PECAM1: variants seen among roughly 807,000 people sequenced by gnomAD.
PECAM1 encodes the protein platelet endothelial cell adhesion molecule.
Under a neutral mutation model 13.8 loss-of-function variants are expected in PECAM1, and 8 were observed. The observed-to-expected ratio is 0.58, with a 90% confidence interval of 0.34 to 1.05. The LOEUF is 1.05. PECAM1 is among the 50% of genes least tolerant of loss of function. The probability of loss-of-function intolerance (pLI) is 0.03; values close to 1 mark genes in which losing one functional copy is unlikely to be tolerated. For synonymous variants in PECAM1, 136 were observed against 52.6 expected, an observed-to-expected ratio of 2.58 and a Z score of -6.86; for missense variants, 304 against 141.2, an observed-to-expected ratio of 2.15 and a Z score of -5.84.
chr17:64,365,015 A>G (rs1302203320), intron 5 of PECAM1, among the ~76,000 whole-genome samples: 6 of 151,970 alleles, frequency 3.9e-5, no homozygotes, highest in African/African-American at 1.5e-4. Context: ...TCAATTAGGA[A>G]AAGAGGAAGT....
Position 64,321,812 on chromosome 17 carries a change from C to T in PECAM1, c.*2004G>A, listed in dbSNP as rs1555644459. Reference sequence around the variant, plus strand: ...CAGTCGTGCTGCATAAGTAAGGCACCAGGAGTAGGAATAGGGTCTTTGCAG... The same window carrying T: ...CAGTCGTGCTGCATAAGTAAGGCACTAGGAGTAGGAATAGGGTCTTTGCAG... On this transcript the variant is annotated 3_prime_UTR_variant, in exon 16 of 16. Coordinates refer to ENST00000563924, the MANE Select transcript of PECAM1 (RefSeq NM_000442.5). The T allele has an allele frequency of 3.7e-6, 5 of 1,338,966 alleles. No individual in the cohort carries two copies. In the African/African-American group the frequency reaches 4.5e-5, roughly 12 times the overall value. 82.9% of individuals were successfully genotyped at this position (1,338,966 alleles called of 1,614,324 possible). A position where few individuals can be genotyped will look rare whatever the true frequency, so the allele number is the denominator to read the frequency against.
intron 13 of PECAM1, 108 bp downstream of exon 13, chr17:64,348,152 G>T: frequency 2.3e-6 from 1 of 429,512 alleles, no homozygotes; most frequent in South Asian, 9.8e-5. Context: ...CCTTTGGAGC[G>T]ACTGAGGGTG....
At chr17:64,352,331 C>G (rs9901785) in intron 11 of PECAM1, 59 bp downstream of exon 11, 1 of 464,830 alleles carries the variant, frequency 2.2e-6, no homozygotes, top group Non-Finnish European at 3.9e-6. Flanking sequence ...TCTGAGAGGG[C>G]TAAGGAAGTA....
chr17:64,367,550 C>CAAA (rs1178085807), intron 5 of PECAM1, among the ~76,000 whole-genome samples: 1 of 97,760 alleles, frequency 1.0e-5, no homozygotes, highest in Non-Finnish European at 1.9e-5. Context: ...AACTCCATCT[C>CAAA]AAAAAAAAAA....
intron 14 of PECAM1, among the ~76,000 whole-genome samples, chr17:64,332,891 G>A (rs891001861): frequency 2.2e-4 from 34 of 152,340 alleles, no homozygotes; most frequent in African/African-American, 7.5e-4. Flanking sequence ...AGTGGCTCAC[G>A]CCTGTCATCC....
chr17:64,377,291 T>G (rs2036381421), intron 3 of PECAM1, among the ~76,000 whole-genome samples: 1 of 152,080 alleles, frequency 6.6e-6, no homozygotes, highest in African/African-American at 2.4e-5. Context: ...ACCCATTTTG[T>G]TTTGGAAAGA....
At chr17:64,375,932 G>A (rs1241904011) in intron 3 of PECAM1, among the ~76,000 whole-genome samples, 2 of 152,164 alleles carry the variant, frequency 1.3e-5, no homozygotes. Flanking sequence ...GGACTCAGGG[G>A]AAAGAGTGGG....
intron 2 of PECAM1, among the ~76,000 whole-genome samples, chr17:64,382,722 T>C (rs2036507573): frequency 8.5e-6 from 1 of 117,616 alleles, no homozygotes; most frequent in African/African-American, 5.5e-5. Flanking sequence ...TTTCTAGGGA[T>C]TTTTTTTTTT....
At chr17:64,323,899 T>A (rs1555645078) in intron 15 of PECAM1, 54 bp from the exon 16 acceptor site, 1 of 790,486 alleles carries the variant, frequency 1.3e-6, no homozygotes, top group Admixed American at 1.7e-5. Flanking sequence ...AGATTGAAGA[T>A]TGCCCTGGTG....
intron 5 of PECAM1, among the ~76,000 whole-genome samples, chr17:64,367,714 A>C (rs1375888757): frequency 6.6e-6 from 1 of 152,178 alleles, no homozygotes; most frequent in Non-Finnish European, 1.5e-5. Flanking sequence ...AGTTATGTCT[A>C]TGAATTCTTC....
chr17:64,323,537 C>T lies in PECAM1; in HGVS notation c.*279G>A, dbSNP rs2034858479. 3.6e-6 allele frequency: 5 copies of T among 1,392,782 alleles called. No individual in the cohort carries two copies. In the East Asian group the frequency reaches 1.1e-4, roughly 31 times the overall value. The allele number at this position is 1,392,782 out of a possible 1,614,324, so 86.3% of individuals were successfully genotyped here. ...TTTCAGAATATCCCAATGGCCTTGC[C>T]CTGGATCTCCTCTTGTGCTCTTCCA... is the stretch of plus-strand genomic sequence containing the variant. On this transcript the variant is annotated 3_prime_UTR_variant, in exon 16 of 16. Coordinates refer to ENST00000563924, the MANE Select transcript of PECAM1 (RefSeq NM_000442.5).
chr17:64,326,843 C>T (rs1285178180), intron 15 of PECAM1, among the ~76,000 whole-genome samples: 1 of 152,222 alleles, frequency 6.6e-6, no homozygotes, highest in East Asian at 1.9e-4. Context: ...TGCCTTGTAC[C>T]CGGAATATGG....
Position 64,375,150 on chromosome 17 carries a change from G to C in PECAM1, c.592C>G (p.Gln198Glu), listed in dbSNP as rs2036328288. The C allele has an allele frequency of 2.1e-6, 1 of 475,408 alleles. No homozygotes were observed. The highest frequency in any genetic ancestry group is 3.9e-6 in the Non-Finnish European group (1 of 259,054). The allele number at this position is 475,408 out of a possible 1,614,324, so 29.4% of individuals were successfully genotyped here. Residue 198 changes from glutamine to glutamate, a missense_variant, in exon 4 of 16, where the codon CAG becomes GAG. By Grantham distance (29) the Gln-to-Glu change is conservative. Transcript: ENST00000563924. Reference protein sequence around the residue: ...FVILEFPVEEQDRVLSFRCQA... With the variant: ...FVILEFPVEEEDRVLSFRCQA... The stretch of plus-strand genomic sequence containing the variant: ...CATCGGAAGGATAAAACGCGGTCCT[G>C]TTCCTCAACGGGGAATTCCAGTATC...
At chr17:64,349,307 G>T (rs1052398909) in intron 12 of PECAM1, among the ~76,000 whole-genome samples, 1 of 152,172 alleles carries the variant, frequency 6.6e-6, no homozygotes, top group Non-Finnish European at 1.5e-5. Context: ...TACATTTCAG[G>T]CTGGGTGTGG....
intron 11 of PECAM1, among the ~76,000 whole-genome samples, chr17:64,350,892 T>C (rs904071139): frequency 1.3e-5 from 2 of 152,194 alleles, no homozygotes; most frequent in East Asian, 3.9e-4. Context: ...TCTTTCTTTT[T>C]TGAGATGGAG....
At position 64,360,582 on chromosome 17, in the gene PECAM1, C is replaced by CTGTGTGTGTGTGTG. The variant is rs10589772; in HGVS notation, c.1217-181_1217-168dup. 2.3e-3 allele frequency among the ~76,000 whole-genome samples: 324 copies of CTGTGTGTGTGTGTG among 139,476 alleles called. 1 individual carries two copies. Among genetic ancestry groups the CTGTGTGTGTGTGTG allele is most frequent in the Admixed American group, 5.5e-3 (75 of 13,718 alleles). The allele number at this position is 139,476 out of a possible 152,430, so 91.5% of individuals were successfully genotyped here. A position where few individuals can be genotyped will look rare whatever the true frequency, so the allele number is the denominator to read the frequency against. ...ATAGGACACCTATGAGACTGACAGG[C>CTGTGTGTGTGTGTG]TGTGTGTGTGTGTGTGTGTGTGTGT... On this transcript the variant is annotated intron_variant, in intron 6 of 15. Coordinates refer to ENST00000563924, the MANE Select transcript of PECAM1 (RefSeq NM_000442.5).
At chr17:64,358,426 G>A (rs2035897248) in intron 7 of PECAM1, among the ~76,000 whole-genome samples, 1 of 152,110 alleles carries the variant, frequency 6.6e-6, no homozygotes, top group Non-Finnish European at 1.5e-5. Context: ...GCTGCGCACA[G>A]TCTTTTGAAG....
chr17:64,338,945 G>A (rs1234587645), intron 14 of PECAM1, among the ~76,000 whole-genome samples: 1 of 152,194 alleles, frequency 6.6e-6, no homozygotes, highest in East Asian at 1.9e-4. Context: ...CGTTATGTAT[G>A]TTAATAAACT....
chr17:64,386,234 GTC>G (rs2036590318), intron 2 of PECAM1, among the ~76,000 whole-genome samples: 1 of 151,958 alleles, frequency 6.6e-6, no homozygotes. Flanking sequence ...GCAAAACCTT[GTC>G]TCTACTAAAA....
Sources: gnomAD v4.1 joint callset for allele counts (sites outside exome capture counted in the v4.1 genomes callset) on GRCh38, gnomAD v4.1.1 for gene constraint, MANE v1.5 for transcripts, NCBI Gene and HGNC (gene_info 2026-07-23, HGNC 2026-07-21) for gene names.